Variants in S1PR3 observed in about 807,000 individuals in gnomAD.
S1PR3 encodes the protein sphingosine-1-phosphate receptor 3.
A neutral mutation model predicts 13.3 loss-of-function variants in S1PR3; 12 were observed. That is an observed-to-expected ratio of 0.90 (90% CI 0.58 to 1.46). S1PR3 has a LOEUF of 1.46. Ranked by LOEUF, S1PR3 falls within the 40% of genes most tolerant of loss-of-function variation. The pLI is 0.00. For synonymous variants in S1PR3, 232 were observed against 214.0 expected (o/e 1.08, Z -0.73); for missense variants, 450 against 501.9 (o/e 0.90, Z 0.99).
rs1180214496 is a variant in S1PR3 at position 89,004,796 on chromosome 9, C to T, written c.*2459C>T. The T allele has an allele frequency of 1.8e-5, 3 of 167,014 alleles. No homozygotes were observed. Among genetic ancestry groups the T allele is most frequent in the Non-Finnish European group, 4.4e-5 (3 of 68,106 alleles). The allele number at this position is 167,014 out of a possible 1,614,324, so 10.3% of individuals were successfully genotyped here. ...TGCAAAAAATAATCACCTTTGATACCAATGTGCACCAATATGCCTAACTAG... is the reference window on the plus strand; with the variant it reads ...TGCAAAAAATAATCACCTTTGATACTAATGTGCACCAATATGCCTAACTAG... On this transcript the variant is annotated 3_prime_UTR_variant, in exon 2 of 2. Coordinates refer to ENST00000358157, the MANE Select transcript of S1PR3 (RefSeq NM_005226.4).
rs995451821 is a variant in S1PR3, at chr9:89,004,215, A to G, written c.*1878A>G. The G allele has an allele frequency of 1.3e-5, 2 of 152,320 alleles. No homozygotes were observed. Among genetic ancestry groups the G allele is most frequent in the Admixed American group, 6.5e-5 (1 of 15,270 alleles). The allele number at this position is 152,320 out of a possible 1,614,324, so 9.4% of individuals were successfully genotyped here. A position where few individuals can be genotyped will look rare whatever the true frequency, so the allele number is the denominator to read the frequency against. On this transcript the variant is annotated 3_prime_UTR_variant, in exon 2 of 2. Coordinates refer to ENST00000358157, the MANE Select transcript of S1PR3 (RefSeq NM_005226.4). ...GGAGTTTGTGACCAGCCTGGCCAAC[A>G]TAGTGAAATCCTGTTTCTACTAAAA...
rs923532306 is a variant in S1PR3 at position 88,991,738 on chromosome 9, G to C, written c.-148+43G>C. The C allele has an allele frequency of 3.2e-6, 5 of 1,545,988 alleles. No individual in the cohort carries two copies. The highest frequency in any genetic ancestry group is 4.4e-6 in the Non-Finnish European group (5 of 1,144,098). On this transcript the variant is annotated intron_variant, in intron 1 of 1. Coordinates refer to ENST00000358157, the MANE Select transcript of S1PR3 (RefSeq NM_005226.4). The surrounding 1 kb of genome is among the most constrained non-coding windows in gnomAD (Gnocchi z 4.0). ...GCGGGGCGCGGAACCAGGGTGGGGG[G>C]CTGGGGGCCGAAGGACCCACCTTTC...
chr9:89,004,345 G>C lies in S1PR3; in HGVS notation c.*2008G>C, dbSNP rs1825906855. 6.5e-6 allele frequency: 1 copy of C among 153,080 alleles called. No homozygotes were observed. Among genetic ancestry groups the C allele is most frequent in the Non-Finnish European group, 1.5e-5 (1 of 68,052 alleles). The allele number at this position is 153,080 out of a possible 1,614,324, so 9.5% of individuals were successfully genotyped here. A position where few individuals can be genotyped will look rare whatever the true frequency, so the allele number is the denominator to read the frequency against. On this transcript the variant is annotated 3_prime_UTR_variant, in exon 2 of 2. Coordinates refer to ENST00000358157, the MANE Select transcript of S1PR3 (RefSeq NM_005226.4). ...ACCCGGGAGGCGGAGATTGCAGTGA[G>C]CCAAGATCGCACCGCTGCACTCCAG...
Position 88,991,589 on chromosome 9 carries a change from C to G in S1PR3, c.-254C>G. 1 of 1,544,266 alleles carries G rather than the reference C, an allele frequency of 6.5e-7. No homozygotes were observed. The highest frequency in any genetic ancestry group is 8.7e-7 in the Non-Finnish European group (1 of 1,145,080). ...ACGACGTCGCGAGCGCTGAGACTGC[C>G]GGGCCTCCCAGCCCATCTGGCATTC... On this transcript the variant is annotated 5_prime_UTR_variant, in exon 1 of 2. Coordinates refer to ENST00000358157, the MANE Select transcript of S1PR3 (RefSeq NM_005226.4). This position sits in a 1 kb window ranked among gnomAD's most constrained non-coding sequence, Gnocchi z 4.0.
rs966639811 is a variant in S1PR3 at position 89,001,533 on chromosome 9, G to A, written c.333G>A (p.Trp111Ter). 6.2e-7 allele frequency: 1 copy of A among 1,614,224 alleles called. No individual in the cohort carries two copies. The highest frequency in any genetic ancestry group is 8.5e-7 in the Non-Finnish European group (1 of 1,180,052). The change falls in exon 2 of 2, where the codon TGG becomes TGA. Residue 111 changes from tryptophan to a stop codon, truncating the protein, a stop_gained. Coordinates refer to ENST00000358157, the MANE Select transcript of S1PR3 (RefSeq NM_005226.4). LOFTEE classifies it high-confidence loss of function. Reference sequence around the variant, plus strand: ...CGTTCAGCCTGTCTCCCACGGTCTGGTTCCTCAGGGAGGGCAGTATGTTCG... The same window carrying A: ...CGTTCAGCCTGTCTCCCACGGTCTGATTCCTCAGGGAGGGCAGTATGTTCG... ...KKTFSLSPTV[W>*]FLREGSMFVA...
At position 89,002,438 on chromosome 9, in the gene S1PR3, C is replaced by T. The variant is rs1216184546; in HGVS notation, c.*101C>T. On this transcript the variant is annotated 3_prime_UTR_variant, in exon 2 of 2. Coordinates refer to ENST00000358157, the MANE Select transcript of S1PR3 (RefSeq NM_005226.4). ...GCTGTGACTCGGGAGAGCTACCTTA[C>T]TTTGACCAACAGCCTGCCCAGTGTG... The T allele has an allele frequency of 2.9e-6, 4 of 1,372,732 alleles. No homozygotes were observed. In the African/African-American group the frequency reaches 5.8e-5, roughly 20 times the overall value. 85.0% of individuals were successfully genotyped at this position (1,372,732 alleles called of 1,614,324 possible).
Position 89,001,912 on chromosome 9 carries a change from T to C in S1PR3, c.712T>C (p.Ser238Pro). 6.2e-7 allele frequency: 1 copy of C among 1,614,156 alleles called. No homozygotes were observed. Among genetic ancestry groups the C allele is most frequent in the Non-Finnish European group, 8.5e-7 (1 of 1,180,038 alleles). The change falls in exon 2 of 2, where the codon TCC (serine) becomes CCC (proline). Residue 238 changes from serine to proline, a missense_variant. By Grantham distance (74) the Ser-to-Pro change is moderately conservative. Coordinates refer to ENST00000358157, the MANE Select transcript of S1PR3 (RefSeq NM_005226.4). ...KVANHNNSER[S>P]MALLRTVVIV... ...GGCCAACCACAACAACTCGGAGCGGTCCATGGCACTGCTGCGGACCGTGGT... is the reference window on the plus strand; with the variant it reads ...GGCCAACCACAACAACTCGGAGCGGCCCATGGCACTGCTGCGGACCGTGGT...
In S1PR3 at chr9:89,001,844, A is replaced by G; in HGVS notation, c.644A>G (p.Tyr215Cys). Residue 215 changes from tyrosine to cysteine, a missense_variant, in exon 2 of 2, where the codon TAC becomes TGC. Transcript: ENST00000358157. Reference sequence around the variant, plus strand: ...ATCCTGGTGACCATCGTGATCCTCTACGCACGCATCTACTTCCTGGTGAAG... The same window carrying G: ...ATCCTGGTGACCATCGTGATCCTCTGCGCACGCATCTACTTCCTGGTGAAG... ...TAILVTIVIL[Y>C]ARIYFLVKSS... 1 of 1,614,146 alleles carries G rather than the reference A, an allele frequency of 6.2e-7. No homozygotes were observed. The highest frequency in any genetic ancestry group is 8.5e-7 in the Non-Finnish European group (1 of 1,180,038).
At chr9:88,998,981 G>A (rs1366469297) in intron 1 of S1PR3, 1 of 152,402 alleles carries the variant, frequency 6.6e-6, no homozygotes, top group African/African-American at 2.4e-5. Context: ...TGCGCTGCCT[G>A]TCATGGCTCA....
At chr9:88,996,692 G>C (rs1438518349) in intron 1 of S1PR3, 1 of 152,616 alleles carries the variant, frequency 6.6e-6, no homozygotes, top group Non-Finnish European at 1.5e-5. Context: ...TTGCTGGCCT[G>C]GGTGCTGGTC....
In S1PR3 at chr9:88,991,681, C is replaced by A; in HGVS notation, c.-162C>A. 6.6e-7 allele frequency: 1 copy of A among 1,519,576 alleles called. No individual in the cohort carries two copies. Among genetic ancestry groups the A allele is most frequent in the East Asian group, 2.5e-5 (1 of 40,132 alleles). 94.1% of individuals were successfully genotyped at this position (1,519,576 alleles called of 1,614,324 possible). On this transcript the variant is annotated 5_prime_UTR_variant, in exon 1 of 2. Coordinates refer to ENST00000358157, the MANE Select transcript of S1PR3 (RefSeq NM_005226.4). This position sits in a 1 kb window ranked among gnomAD's most constrained non-coding sequence, Gnocchi z 4.0. ...GCTAGGATGCCGGTGGCCCCAGCGC[C>A]CTCAGCCGACGGAGGTGAGAGGCGG...
Position 89,002,052 on chromosome 9 carries a change from CG to C in S1PR3, c.853del (p.Val285CysfsTer9). 1 of 1,614,078 alleles carries C rather than the reference CG, an allele frequency of 6.2e-7. No individual in the cohort carries two copies. Among genetic ancestry groups the C allele is most frequent in the African/African-American group, 1.3e-5 (1 of 75,024 alleles). On this transcript the variant is annotated frameshift_variant, in exon 2 of 2. Coordinates refer to ENST00000358157, the MANE Select transcript of S1PR3 (RefSeq NM_005226.4). LOFTEE classifies it high-confidence loss of function. ...PILFKAQWFI[V>X]LAVLNSAMNP... The stretch of plus-strand genomic sequence containing the variant: ...TCCTCTTCAAGGCTCAGTGGTTCAT[CG>C]TGTTGGCTGTGCTCAACTCCGCCAT...
chr9:89,001,889 C>T lies in S1PR3; in HGVS notation c.689C>T (p.Ala230Val), dbSNP rs201647049. 10 of 1,614,222 alleles carry T rather than the reference C, an allele frequency of 6.2e-6. No homozygotes were observed. Among genetic ancestry groups the T allele is most frequent in the Non-Finnish European group, 7.6e-6 (9 of 1,180,030 alleles). The change falls in exon 2 of 2, where the codon GCC becomes GTC. Residue 230 changes from alanine (A) to valine (V), a missense_variant. Transcript: ENST00000358157. ...FLVKSSSRKV[A>V]NHNNSERSMA... is the part of the protein sequence containing the mutation. ...GTGAAGTCCAGCAGCCGTAAGGTGG[C>T]CAACCACAACAACTCGGAGCGGTCC... is the stretch of plus-strand genomic sequence containing the variant.
intron 1 of S1PR3, chr9:88,997,969 G>C (rs1825825472): frequency 1.3e-5 from 2 of 152,246 alleles, no homozygotes; most frequent in Admixed American, 1.3e-4. Context: ...AGCCCTCGCG[G>C]TCCCCATCAG....
chr9:89,004,671 A>C lies in S1PR3; in HGVS notation c.*2334A>C, dbSNP rs1221645284. 6.0e-6 allele frequency: 1 copy of C among 167,104 alleles called. No individual in the cohort carries two copies. The highest frequency in any genetic ancestry group is 2.4e-5 in the African/African-American group (1 of 41,454). The allele number at this position is 167,104 out of a possible 1,614,324, so 10.4% of individuals were successfully genotyped here. On this transcript the variant is annotated 3_prime_UTR_variant, in exon 2 of 2. Coordinates refer to ENST00000358157, the MANE Select transcript of S1PR3 (RefSeq NM_005226.4). Reference sequence around the variant, plus strand: ...GCCACCATTTCCACTAGGAGGTATCAATATTTGTGGTATGACATAAGGCTC... The same window carrying C: ...GCCACCATTTCCACTAGGAGGTATCCATATTTGTGGTATGACATAAGGCTC...
chr9:88,994,154 C>T (rs1825767741), intron 1 of S1PR3: 1 of 167,104 alleles, frequency 6.0e-6, no homozygotes, highest in Non-Finnish European at 1.5e-5. Flanking sequence ...GAGCTCATCC[C>T]TAATGTGACA....
intron 1 of S1PR3, chr9:88,996,288 C>A (rs1403786906): frequency 6.6e-6 from 1 of 152,202 alleles, no homozygotes; most frequent in Non-Finnish European, 1.5e-5. Context: ...GCTCACAAAT[C>A]AACATCGACC....
chr9:88,992,081 T>A lies in S1PR3; in HGVS notation c.-148+386T>A. Reference sequence around the variant, plus strand: ...CTGGGAAAATCATTCTTTTAAACAATATTCGCCGGAAAATTAGTTTTTTCC... The same window carrying A: ...CTGGGAAAATCATTCTTTTAAACAAAATTCGCCGGAAAATTAGTTTTTTCC... On this transcript the variant is annotated intron_variant, in intron 1 of 1. Coordinates refer to ENST00000358157, the MANE Select transcript of S1PR3 (RefSeq NM_005226.4). The A allele has an allele frequency of 2.6e-6, 4 of 1,544,538 alleles. No homozygotes were observed. In the South Asian group the frequency reaches 4.7e-5, roughly 18 times the overall value.
intron 1 of S1PR3, chr9:89,000,644 T>G (rs1825854711): frequency 6.4e-6 from 1 of 156,970 alleles, no homozygotes; most frequent in Non-Finnish European, 1.4e-5. Flanking sequence ...CCGGCATCAT[T>G]CAGATTCCAT....
Sources: allele counts gnomAD v4.1 joint callset, GRCh38; gene constraint gnomAD v4.1.1; non-coding constraint Gnocchi (gnomAD v3.1); transcripts MANE v1.5; gene names NCBI Gene and HGNC (gene_info 2026-07-23, HGNC 2026-07-21).